The following DLG2 variants were observed in gnomAD, a reference collection of about 807,000 sequenced individuals.
The protein encoded by DLG2 is discs large MAGUK scaffold protein 2.
DLG2 carries 45 observed loss-of-function variants against 132.5 expected under a neutral mutation model. The ratio of observed to expected loss-of-function variants is 0.34; its 90% CI spans 0.27 to 0.44. The LOEUF is 0.44. Among genes scored for constraint, DLG2 ranks in the 20% least tolerant of loss-of-function variants. DLG2 has a pLI of 1.00. For missense variants in DLG2, 1,045 were observed against 1,196.9 expected (o/e 0.87, Z 1.87); for synonymous variants, 424 against 419.6 (o/e 1.01, Z -0.13).
intron 6 of DLG2, among the ~76,000 whole-genome samples, chr11:84,737,913 A>G (rs142573727): frequency 1.0e-3 from 152 of 152,196 alleles, no homozygotes; most frequent in African/African-American, 3.3e-3. Flanking sequence ...TGATATACTA[A>G]AAAGTAATAT....
At chr11:85,272,652 A>C (rs547519972) in intron 4 of DLG2, among the ~76,000 whole-genome samples, 1 of 152,308 alleles carries the variant, frequency 6.6e-6, no homozygotes, top group African/African-American at 2.4e-5. Flanking sequence ...GATAGGAAGA[A>C]TCAATATCGT....
chr11:83,499,667 T>A (rs1330000558), intron 21 of DLG2, among the ~76,000 whole-genome samples: 1 of 150,576 alleles, frequency 6.6e-6, no homozygotes, highest in East Asian at 2.0e-4. Flanking sequence ...AACATCAGAC[T>A]CAAAGTTCTT....
At chr11:84,370,781 T>C (rs1432176291) in intron 7 of DLG2, among the ~76,000 whole-genome samples, 2 of 152,122 alleles carry the variant, frequency 1.3e-5, no homozygotes, top group African/African-American at 4.8e-5. Flanking sequence ...ATTGGTGAAC[T>C]GAAAGTATAG....
chr11:84,703,861 T>G (rs868074980), intron 6 of DLG2, among the ~76,000 whole-genome samples: 23 of 111,884 alleles, frequency 2.1e-4, no homozygotes, highest in African/African-American at 1.2e-3. Flanking sequence ...AGTGAAGATA[T>G]ATATATATAT....
At chr11:84,348,102 A>C (rs1050195523) in intron 7 of DLG2, among the ~76,000 whole-genome samples, 6 of 152,222 alleles carry the variant, frequency 3.9e-5, no homozygotes, top group African/African-American at 7.2e-5. Flanking sequence ...TGCTCAACAA[A>C]TATCATATAG....
intron 3 of DLG2, among the ~76,000 whole-genome samples, chr11:85,426,134 G>T (rs1407970266): frequency 1.3e-5 from 2 of 152,224 alleles, no homozygotes; most frequent in African/African-American, 4.8e-5. Context: ...AAACAAAGCA[G>T]CAGGGAAGCT....
intron 19 of DLG2, among the ~76,000 whole-genome samples, chr11:83,554,821 C>T (rs1444757934): frequency 6.6e-6 from 1 of 152,150 alleles, no homozygotes; most frequent in Non-Finnish European, 1.5e-5. Context: ...ATAGTCAATA[C>T]AGTGTAACTT....
chr11:85,438,585 T>G (rs1221757783), intron 3 of DLG2, among the ~76,000 whole-genome samples: 2 of 152,188 alleles, frequency 1.3e-5, no homozygotes, highest in African/African-American at 4.8e-5. Flanking sequence ...AAATATTTCA[T>G]AAAACTATAG....
intron 6 of DLG2, among the ~76,000 whole-genome samples, chr11:84,645,405 T>C (rs1385105222): frequency 1.3e-5 from 2 of 152,120 alleles, no homozygotes; most frequent in East Asian, 3.9e-4. Flanking sequence ...TCCTGAAAGT[T>C]TGGGAAAGGT....
intron 7 of DLG2, among the ~76,000 whole-genome samples, chr11:84,445,878 T>C (rs950478605): frequency 7.5e-6 from 1 of 134,000 alleles, no homozygotes; most frequent in Non-Finnish European, 1.5e-5. Flanking sequence ...ATGGTGTCAC[T>C]GCACTCCAGG....
intron 6 of DLG2, among the ~76,000 whole-genome samples, chr11:84,637,740 T>G (rs2099643215): frequency 6.6e-6 from 1 of 152,220 alleles, no homozygotes; most frequent in Non-Finnish European, 1.5e-5. Flanking sequence ...TGAACTCTGG[T>G]TTAGATCTGA....
chr11:85,021,505 T>C (rs2060063427), intron 6 of DLG2: 5 of 1,502,874 alleles, frequency 3.3e-6, no homozygotes, highest in East Asian at 2.3e-5. Flanking sequence ...GGCAAAGCCG[T>C]TATGAACAGA....
intron 3 of DLG2, among the ~76,000 whole-genome samples, chr11:85,358,372 A>C (rs1269717240): frequency 6.6e-6 from 1 of 152,162 alleles, no homozygotes; most frequent in Non-Finnish European, 1.5e-5. Context: ...CTCTACAAGC[A>C]GTCTGCACTG....
At position 85,397,214 on chromosome 11, in the gene DLG2, A is replaced by G. The variant is rs371633731; in HGVS notation, c.41-111849T>C. On this transcript the variant is annotated intron_variant, in intron 3 of 27. Transcript: ENST00000376104. ...GAGAATGAGAAATAAAATCCTTTAC[A>G]GACAAGTGAATGCTGAGAGATTTTG... 8.5e-5 allele frequency among the ~76,000 whole-genome samples: 13 copies of G among 152,334 alleles called. No homozygotes were observed. The South Asian group carries it at 1.4e-3, about 17-fold the overall frequency.
At chr11:85,588,746 T>C (rs2079121469) in intron 3 of DLG2, among the ~76,000 whole-genome samples, 1 of 152,148 alleles carries the variant, frequency 6.6e-6, no homozygotes, top group Non-Finnish European at 1.5e-5. Context: ...CTTAGGGGTG[T>C]TGTAAAACCT....
At chr11:85,373,062 T>A (rs1040670473) in intron 3 of DLG2, among the ~76,000 whole-genome samples, 2 of 152,122 alleles carry the variant, frequency 1.3e-5, no homozygotes, top group African/African-American at 4.8e-5. Context: ...AGATGCATCC[T>A]CCAAACTGAA....
intron 6 of DLG2, among the ~76,000 whole-genome samples, chr11:84,832,473 A>G (rs556377143): frequency 1.8e-4 from 28 of 151,806 alleles, no homozygotes; most frequent in African/African-American, 6.3e-4. Flanking sequence ...TAACTACAAC[A>G]TAAAACAGAG....
At chr11:85,500,918 C>T (rs865847836) in intron 3 of DLG2, among the ~76,000 whole-genome samples, 1 of 152,152 alleles carries the variant, frequency 6.6e-6, no homozygotes, top group South Asian at 2.1e-4. Flanking sequence ...GAAAAAAATA[C>T]TTTAAATTTC....
At chr11:84,080,772 A>G (rs1446730937) in intron 10 of DLG2, among the ~76,000 whole-genome samples, 1 of 152,094 alleles carries the variant, frequency 6.6e-6, no homozygotes, top group African/African-American at 2.4e-5. Context: ...TGGGTGGATC[A>G]CCTGAGGTCT....
Sources: allele counts gnomAD v4.1 joint callset (sites outside exome capture counted in the v4.1 genomes callset), GRCh38; gene constraint gnomAD v4.1.1; transcripts MANE v1.5; gene names NCBI Gene and HGNC (gene_info 2026-07-23, HGNC 2026-07-21).